The following ZFPM1 variants were observed in gnomAD, a reference collection of about 807,000 sequenced individuals.
ZFPM1 encodes zinc finger protein, FOG family member 1.
A neutral mutation model predicts 46.3 loss-of-function variants in ZFPM1; 28 were observed. The ratio of observed to expected loss-of-function variants is 0.60; its 90% CI spans 0.45 to 0.83. The LOEUF (loss-of-function observed/expected upper bound fraction) is 0.83, where lower values mean the gene tolerates loss of function less well. ZFPM1 is among the 40% of genes least tolerant of loss of function. The pLI is 0.00. For synonymous variants in ZFPM1, 957 were observed against 675.9 expected, an observed-to-expected ratio of 1.42 and a Z score of -6.45; for missense variants, 1,878 against 1,432.4, an observed-to-expected ratio of 1.31 and a Z score of -5.02.
At chr16:88,502,040 C>T (rs1345112812) in intron 3 of ZFPM1, among the ~76,000 whole-genome samples, 2 of 146,748 alleles carry the variant, frequency 1.4e-5, no homozygotes, top group South Asian at 2.2e-4. Context: ...CCTCCACCCC[C>T]GACGCGGCTC....
chr16:88,510,299 T>G (rs1161932599), intron 3 of ZFPM1, among the ~76,000 whole-genome samples: 1 of 152,134 alleles, frequency 6.6e-6, no homozygotes, highest in African/African-American at 2.4e-5. Context: ...CCCTGGACCC[T>G]GGCCAGACCC....
chr16:88,532,917 G>T lies in ZFPM1; in HGVS notation c.1171G>T (p.Ala391Ser). The T allele has an allele frequency of 1.2e-6, 2 of 1,613,110 alleles. No homozygotes were observed. Among genetic ancestry groups the T allele is most frequent in the Non-Finnish European group, 1.7e-6 (2 of 1,179,968 alleles). Residue 391 changes from alanine (A) to serine (S), a missense_variant, in exon 9 of 10, where the codon GCA becomes TCA. By Grantham distance (99) the Ala-to-Ser change is moderately conservative (BLOSUM62 1). Coordinates refer to ENST00000319555, the MANE Select transcript of ZFPM1 (RefSeq NM_153813.3). ...CTACTCGCCAGGGGCCGGACACCCA[G>T]CAACCAAGCTGCCCCCAGGTGAGCA... is the stretch of plus-strand genomic sequence containing the variant. ...EIYSPGAGHP[A>S]TKLPPDSLGS... is the part of the protein sequence containing the mutation.
rs373172156 is a variant in ZFPM1, at chr16:88,533,793, C to T, written c.1835C>T (p.Ala612Val). The change falls in exon 10 of 10, where the codon GCG becomes GTG. Residue 612 changes from alanine to valine, a missense_variant. Transcript: ENST00000319555. ...CGTGCGCCCGAGGACGCGCCTGCCG[C>T]GCGCAGGCCCAAGGCGCCCCCCGGC... Reference protein sequence around the residue: ...GRRAPEDAPAARRPKAPPGPA... With the variant: ...GRRAPEDAPAVRRPKAPPGPA... The T allele has an allele frequency of 5.7e-5, 72 of 1,261,236 alleles. No homozygotes were observed. In the Middle Eastern group the frequency reaches 1.3e-3, roughly 22 times the overall value. 78.1% of individuals were successfully genotyped at this position (1,261,236 alleles called of 1,614,324 possible). A position where few individuals can be genotyped will look rare whatever the true frequency, so the allele number is the denominator to read the frequency against.
rs186528397 is a variant in ZFPM1, at chr16:88,493,060, C to T, written c.268+3907C>T. 5.0e-3 allele frequency among the ~76,000 whole-genome samples: 632 copies of T among 125,702 alleles called. 7 individuals carry two copies. The highest frequency in any genetic ancestry group is 0.018 in the African/African-American group (603 of 32,842). 82.5% of individuals were successfully genotyped at this position (125,702 alleles called of 152,430 possible). A position where few individuals can be genotyped will look rare whatever the true frequency, so the allele number is the denominator to read the frequency against. ...GGGTATGGAGAGCTATCCCGGGGTGCGGAGAGCTGTCCCGGGGTGCGGGGA... is the reference window on the plus strand; with the variant it reads ...GGGTATGGAGAGCTATCCCGGGGTGTGGAGAGCTGTCCCGGGGTGCGGGGA... On this transcript the variant is annotated intron_variant, in intron 3 of 9. Coordinates refer to ENST00000319555, the MANE Select transcript of ZFPM1 (RefSeq NM_153813.3).
intron 3 of ZFPM1, among the ~76,000 whole-genome samples, chr16:88,498,299 G>A (rs773060559): frequency 1.3e-5 from 2 of 152,208 alleles, no homozygotes; most frequent in Non-Finnish European, 2.9e-5. Flanking sequence ...TCGCAGCCAC[G>A]CCCCTTCCCC....
At chr16:88,530,843 T>A (rs1182721992) in intron 6 of ZFPM1, 3 of 152,362 alleles carry the variant, frequency 2.0e-5, no homozygotes, top group South Asian at 4.1e-4. Context: ...TAAAAGGAAC[T>A]TGAGAAACAG....
chr16:88,475,013 C>G (rs1033217915), intron 1 of ZFPM1, among the ~76,000 whole-genome samples: 6 of 152,260 alleles, frequency 3.9e-5, no homozygotes, highest in African/African-American at 1.4e-4. Context: ...CGTGCTGGGA[C>G]CATGCAGGGA....
chr16:88,529,258 C>A (rs1030769538), intron 6 of ZFPM1, among the ~76,000 whole-genome samples: 1 of 152,240 alleles, frequency 6.6e-6, no homozygotes, highest in African/African-American at 2.4e-5. Context: ...CTGGGGCTTC[C>A]CAGGGGAACA....
intron 1 of ZFPM1, among the ~76,000 whole-genome samples, chr16:88,477,203 G>T (rs1481343819): frequency 6.6e-6 from 1 of 152,264 alleles, no homozygotes; most frequent in Non-Finnish European, 1.5e-5. Context: ...GCCGGGAAGG[G>T]ACAGCTGAGC....
intron 1 of ZFPM1, among the ~76,000 whole-genome samples, chr16:88,468,683 C>T (rs564153172): frequency 5.9e-5 from 9 of 152,200 alleles, no homozygotes; most frequent in African/African-American, 1.4e-4. Context: ...CCCAGGGCCC[C>T]GCCCCCCAGA....
chr16:88,533,102 G>C, intron 9 of ZFPM1, 46 bp from the exon 10 acceptor site: 1 of 1,206,578 alleles, frequency 8.3e-7, no homozygotes, highest in South Asian at 1.5e-5. Flanking sequence ...TGACCGGCCA[G>C]GTCCTGCCCC....
At chr16:88,524,012 C>A (rs1041058588) in intron 4 of ZFPM1, among the ~76,000 whole-genome samples, 1 of 152,226 alleles carries the variant, frequency 6.6e-6, no homozygotes, top group Non-Finnish European at 1.5e-5. Flanking sequence ...GTGTTTTTAT[C>A]ATGCTGGGAA....
chr16:88,458,404 G>A (rs1476100957), intron 1 of ZFPM1, among the ~76,000 whole-genome samples: 1 of 152,176 alleles, frequency 6.6e-6, no homozygotes, highest in African/African-American at 2.4e-5. Context: ...CGTCAGCCCC[G>A]CCAGCCCCTC....
At chr16:88,502,488 T>G (rs12443806) in intron 3 of ZFPM1, among the ~76,000 whole-genome samples, 25,755 of 152,070 alleles carry the variant, frequency 0.17, 2,835 homozygotes, top group African/African-American at 0.3. Flanking sequence ...ATGGACAGGG[T>G]CTTTGGCCCC....
Position 88,533,984 on chromosome 16 carries a change from G to T in ZFPM1, c.2026G>T (p.Ala676Ser), listed in dbSNP as rs764760118. ...SQSPGSSVDD[A>S]EDDPSRTLCE... ...GAGCCCGGGTAGCTCCGTGGACGAC[G>T]CGGAGGACGACCCCAGCCGCACGCT... is the stretch of plus-strand genomic sequence containing the variant. The change falls in exon 10 of 10, where the codon GCG (alanine) becomes TCG (serine). Residue 676 changes from alanine to serine, a missense_variant. Ala to Ser is a moderately conservative substitution (Grantham distance 99). Transcript: ENST00000319555. 7.4e-7 allele frequency: 1 copy of T among 1,351,660 alleles called. No homozygotes were observed. The highest frequency in any genetic ancestry group is 2.6e-4 in the Middle Eastern group (1 of 3,782). The allele number at this position is 1,351,660 out of a possible 1,614,324, so 83.7% of individuals were successfully genotyped here.
chr16:88,491,047 G>GGGGTCTCGGTCAGGCGCTGGTGCCTTCGC (rs1567536440), intron 3 of ZFPM1, among the ~76,000 whole-genome samples: 10 of 140,020 alleles, frequency 7.1e-5, no homozygotes, highest in East Asian at 2.0e-4. Flanking sequence ...GGTGCCTTCG[G>GGGGTCTCGGTCAGGCGCTGGTGCCTTCGC]GGGTCTCGGT....
intron 3 of ZFPM1, chr16:88,513,354 T>C (rs1178407168): frequency 2.6e-5 from 4 of 152,408 alleles, no homozygotes; most frequent in Non-Finnish European, 4.4e-5. Context: ...CCTCCCGGCG[T>C]ATTTACATGT....
At chr16:88,484,417 A>C (rs952759147) in intron 1 of ZFPM1, among the ~76,000 whole-genome samples, 2 of 151,168 alleles carry the variant, frequency 1.3e-5, no homozygotes, top group African/African-American at 4.9e-5. Context: ...GTTCTGCCCC[A>C]CCCCCACTCT....
At chr16:88,505,906 C>T (rs1231311836) in intron 3 of ZFPM1, among the ~76,000 whole-genome samples, 2 of 152,160 alleles carry the variant, frequency 1.3e-5, no homozygotes, top group African/African-American at 4.8e-5. Context: ...ACGTGCTCAC[C>T]CCAAGGACAG....
Sources: gnomAD v4.1 joint callset for allele counts (sites outside exome capture counted in the v4.1 genomes callset) on GRCh38, gnomAD v4.1.1 for gene constraint, MANE v1.5 for transcripts, NCBI Gene and HGNC (gene_info 2026-07-23, HGNC 2026-07-21) for gene names.